FAM204A: variants seen among roughly 807,000 people sequenced by gnomAD.
FAM204A encodes the protein family with sequence similarity 204 member A, also known as protein FAM204A.
In FAM204A, 16 loss-of-function variants were observed where a neutral mutation model predicts 35.4. That is an observed-to-expected ratio of 0.45 (90% CI 0.31 to 0.69). FAM204A has a LOEUF of 0.69. FAM204A is among the 30% of genes least tolerant of loss of function. The pLI is 0.07. For synonymous variants in FAM204A, 76 were observed against 86.9 expected, an observed-to-expected ratio of 0.88 and a Z score of 0.70; for missense variants, 240 against 265.7, an observed-to-expected ratio of 0.90 and a Z score of 0.67.
At chr10:118,326,113 A>T in intron 7 of FAM204A, 41 bp downstream of exon 7, 1 of 1,485,720 alleles carries the variant, frequency 6.7e-7, no homozygotes, top group Non-Finnish European at 9.3e-7. Flanking sequence ...TTATTCTAGA[A>T]AATTTGAAAA....
chr10:118,310,635 TC>T lies in FAM204A; in HGVS notation c.*221del, dbSNP rs1394338494. 3 of 501,354 alleles carry T rather than the reference TC, an allele frequency of 6.0e-6. No individual in the cohort carries two copies. The highest frequency in any genetic ancestry group is 1.0e-5 in the Non-Finnish European group (3 of 290,694). The allele number at this position is 501,354 out of a possible 1,614,324, so 31.1% of individuals were successfully genotyped here. Reference sequence around the variant, plus strand: ...TATCCTCTTCTTTCTATATTTTTTTTCTTACATTTCTTATACAAATAACAGA... The same window carrying T: ...TATCCTCTTCTTTCTATATTTTTTTTTTACATTTCTTATACAAATAACAGA... On this transcript the variant is annotated 3_prime_UTR_variant, in exon 9 of 9. Coordinates refer to ENST00000369183, the MANE Select transcript of FAM204A (RefSeq NM_022063.3).
chr10:118,327,185 TCTC>T lies in FAM204A; in HGVS notation c.454-945_454-943del, dbSNP rs576376224. 2.2e-3 allele frequency among the ~76,000 whole-genome samples: 333 copies of T among 152,260 alleles called. 1 individual carries two copies. Among genetic ancestry groups the T allele is most frequent in the African/African-American group, 7.5e-3 (310 of 41,554 alleles). Reference sequence around the variant, plus strand: ...GTTAATACTCTACCTCTTACAGACTTCTCCTCCTTATTTCATAACAGAAGTCCT... The same window carrying T: ...GTTAATACTCTACCTCTTACAGACTTCTCCTTATTTCATAACAGAAGTCCT... On this transcript the variant is annotated intron_variant, in intron 6 of 8. Transcript: ENST00000369183.
chr10:118,333,091 G>T (rs1006457054), intron 6 of FAM204A, among the ~76,000 whole-genome samples: 28 of 152,190 alleles, frequency 1.8e-4, no homozygotes, highest in African/African-American at 6.8e-4. Context: ...CCTCTGCATT[G>T]TCTGAGAGGC....
intron 7 of FAM204A, among the ~76,000 whole-genome samples, chr10:118,325,855 A>C (rs1006206770): frequency 1.3e-5 from 2 of 152,172 alleles, no homozygotes; most frequent in African/African-American, 2.4e-5. Context: ...ACGGAAAAGA[A>C]AGCTAGCATT....
intron 2 of FAM204A, 68 bp from the exon 3 acceptor site, chr10:118,336,491 A>T: frequency 6.5e-6 from 9 of 1,374,688 alleles, no homozygotes; most frequent in Non-Finnish European, 8.7e-6. Context: ...CCATTAGAAG[A>T]CATTCCAGGT....
intron 2 of FAM204A, among the ~76,000 whole-genome samples, chr10:118,336,833 A>G (rs1213975077): frequency 6.6e-6 from 1 of 152,214 alleles, no homozygotes; most frequent in East Asian, 1.9e-4. Context: ...AGCTATACCA[A>G]TTAGAGAATA....
chr10:118,310,432 C>A lies in FAM204A; in HGVS notation c.*425G>T, dbSNP rs2133262403. On this transcript the variant is annotated 3_prime_UTR_variant, in exon 9 of 9. Transcript: ENST00000369183. ...CCCAGGAAGCAGTGGTTGCAGTGAG[C>A]CAAGATCGTGCTACTGCACTCTAGC... 6.4e-6 allele frequency: 1 copy of A among 156,268 alleles called. No individual in the cohort carries two copies. The highest frequency in any genetic ancestry group is 1.9e-4 in the East Asian group (1 of 5,280). 9.7% of individuals were successfully genotyped at this position (156,268 alleles called of 1,614,324 possible).
In FAM204A at chr10:118,330,958, A is replaced by C. The variant is rs188072674; in HGVS notation, c.453+4156T>G. 6.6e-5 allele frequency among the ~76,000 whole-genome samples: 10 copies of C among 152,344 alleles called. No individual in the cohort carries two copies. The East Asian group carries it at 7.7e-4, about 12-fold the overall frequency. On this transcript the variant is annotated intron_variant, in intron 6 of 8. Transcript: ENST00000369183. ...ATTCTCTGCAAGATTATGATGAGTC[A>C]AAGAACATATATATAGAATACCTAG...
intron 7 of FAM204A, among the ~76,000 whole-genome samples, chr10:118,314,199 G>GCTTAATAAATA (rs1845996124): frequency 2.0e-5 from 3 of 152,098 alleles, no homozygotes; most frequent in Non-Finnish European, 2.9e-5. Flanking sequence ...AAACAACTAG[G>GCTTAATAAATA]TACATAAGCA....
At chr10:118,339,833 C>T (rs531955194) in intron 2 of FAM204A, among the ~76,000 whole-genome samples, 24 of 152,320 alleles carry the variant, frequency 1.6e-4, no homozygotes, top group African/African-American at 5.1e-4. Flanking sequence ...ATGCAGAACA[C>T]ATCTTTAGTC....
rs1490180347 is a variant in FAM204A at position 118,310,848 on chromosome 10, T to G, written c.*9A>C. On this transcript the variant is annotated 3_prime_UTR_variant, in exon 9 of 9. Coordinates refer to ENST00000369183, the MANE Select transcript of FAM204A (RefSeq NM_022063.3). ...TGAGTCTACAAATGTCTTGAAGCACTCTGGCAAGTTACATGTATCCCATGT... is the reference window on the plus strand; with the variant it reads ...TGAGTCTACAAATGTCTTGAAGCACGCTGGCAAGTTACATGTATCCCATGT... 1 of 1,598,228 alleles carries G rather than the reference T, an allele frequency of 6.3e-7. No homozygotes were observed. Among genetic ancestry groups the G allele is most frequent in the East Asian group, 2.2e-5 (1 of 44,498 alleles).
At chr10:118,337,198 G>C (rs902015499) in intron 2 of FAM204A, 1 of 975,734 alleles carries the variant, frequency 1.0e-6, no homozygotes, top group African/African-American at 1.8e-5. Context: ...GTTATCATTT[G>C]CTAAAAGTAT....
chr10:118,334,593 T>C (rs762880016), intron 6 of FAM204A, among the ~76,000 whole-genome samples: 2 of 152,236 alleles, frequency 1.3e-5, no homozygotes, highest in Non-Finnish European at 2.9e-5. Context: ...TAAAAGCCTT[T>C]ATGACTCTCA....
rs760371135 is a variant in FAM204A at position 118,298,847 on chromosome 10, T to C, written c.*12010A>G. 6 of 152,206 alleles carry C rather than the reference T, an allele frequency of 3.9e-5. No individual in the cohort carries two copies. The highest frequency in any genetic ancestry group is 8.8e-5 in the Non-Finnish European group (6 of 68,046). 9.4% of individuals were successfully genotyped at this position (152,206 alleles called of 1,614,324 possible). On this transcript the variant is annotated 3_prime_UTR_variant, in exon 9 of 9. Coordinates refer to ENST00000369183, the MANE Select transcript of FAM204A (RefSeq NM_022063.3). ...TCGGGAACCTCAAATGCGTTTTCAT[T>C]GTTAGGTTGCACCGTTAATTCTCTG...
In FAM204A at chr10:118,323,192, G is replaced by C. The variant is rs1846145784; in HGVS notation, c.543+2962C>G. ...ATAGGACACCAGCTTGTTGAGTCCT[G>C]TGATCCTAAAGAGACCAGCGAAGAG... On this transcript the variant is annotated intron_variant, in intron 7 of 8. Coordinates refer to ENST00000369183, the MANE Select transcript of FAM204A (RefSeq NM_022063.3). Among the ~76,000 whole-genome samples, 4 of 152,076 alleles carry C rather than the reference G, an allele frequency of 2.6e-5. No individual in the cohort carries two copies. The South Asian group carries it at 8.3e-4, about 32-fold the overall frequency.
intron 7 of FAM204A, among the ~76,000 whole-genome samples, chr10:118,315,672 C>G (rs987650028): frequency 6.6e-6 from 1 of 152,060 alleles, no homozygotes; most frequent in Non-Finnish European, 1.5e-5. Context: ...TGTCTTTACT[C>G]AAGCTCAACA....
chr10:118,338,856 C>T (rs1846428330), intron 2 of FAM204A, among the ~76,000 whole-genome samples: 1 of 152,184 alleles, frequency 6.6e-6, no homozygotes, highest in Non-Finnish European at 1.5e-5. Context: ...CCGAAGAAGG[C>T]ATGCTTTTTG....
intron 2 of FAM204A, among the ~76,000 whole-genome samples, chr10:118,339,574 T>C (rs1259584385): frequency 6.6e-6 from 1 of 152,232 alleles, no homozygotes; most frequent in Non-Finnish European, 1.5e-5. Context: ...CTTAAATTTG[T>C]TTAGCATAGA....
chr10:118,322,373 T>C (rs1030253336), intron 7 of FAM204A: 8 of 456,268 alleles, frequency 1.8e-5, no homozygotes, highest in African/African-American at 1.2e-4. Context: ...TCTGGATCGC[T>C]GACACTGAGA....
Sources: allele counts gnomAD v4.1 joint callset (sites outside exome capture counted in the v4.1 genomes callset), GRCh38; gene constraint gnomAD v4.1.1; transcripts MANE v1.5; gene names NCBI Gene and HGNC (gene_info 2026-07-23, HGNC 2026-07-21).